NAALADL2: variants seen among roughly 807,000 people sequenced by gnomAD.
The protein encoded by NAALADL2 is N-acetylated alpha-linked acidic dipeptidase like 2, also known as inactive N-acetylated-alpha-linked acidic dipeptidase-like protein 2.
A neutral mutation model predicts 87.2 loss-of-function variants in NAALADL2; 76 were observed. That is an observed-to-expected ratio of 0.87 (90% CI 0.72 to 1.05). NAALADL2 has a LOEUF of 1.05. Among genes scored for constraint, NAALADL2 ranks in the 50% least tolerant of loss-of-function variants. The probability of loss-of-function intolerance (pLI) is 0.00; values close to 1 mark genes in which losing one functional copy is unlikely to be tolerated. For missense variants in NAALADL2, 1,089 were observed against 945.8 expected, an observed-to-expected ratio of 1.15 and a Z score of -1.99; for synonymous variants, 354 against 331.0, an observed-to-expected ratio of 1.07 and a Z score of -0.75.
At chr3:175,638,525 T>C (rs1328111802) in intron 11 of NAALADL2, among the ~76,000 whole-genome samples, 2 of 152,286 alleles carry the variant, frequency 1.3e-5, no homozygotes, top group Non-Finnish European at 2.9e-5. Context: ...GAAAATATGG[T>C]CACAGTGCCT....
chr3:175,572,579 C>T (rs1476427667), intron 9 of NAALADL2, among the ~76,000 whole-genome samples: 1 of 151,964 alleles, frequency 6.6e-6, no homozygotes, highest in Non-Finnish European at 1.5e-5. Context: ...TTTTGATTTG[C>T]CTGAACAATA....
chr3:175,108,030 G>C (rs930568244), intron 2 of NAALADL2, among the ~76,000 whole-genome samples: 3 of 151,808 alleles, frequency 2.0e-5, no homozygotes, highest in Admixed American at 6.6e-5. Flanking sequence ...TTATATGCCT[G>C]ATTTGGGAAA....
chr3:175,216,421 G>C (rs1161379039), intron 2 of NAALADL2, among the ~76,000 whole-genome samples: 1 of 151,990 alleles, frequency 6.6e-6, no homozygotes, highest in African/African-American at 2.4e-5. Context: ...GCAGATAGTT[G>C]CAACAAATTT....
intron 1 of NAALADL2, among the ~76,000 whole-genome samples, chr3:174,968,265 T>A (rs1448331017): frequency 1.3e-5 from 2 of 152,160 alleles, no homozygotes; most frequent in Non-Finnish European, 2.9e-5. Context: ...AACAACTAAC[T>A]TTTATTAAGC....
At chr3:174,499,079 A>C (rs1718725355) in intron 1 of NAALADL2, among the ~76,000 whole-genome samples, 1 of 152,034 alleles carries the variant, frequency 6.6e-6, no homozygotes, top group South Asian at 2.1e-4. Flanking sequence ...CTAATTTATA[A>C]ATTAAACTTT....
At chr3:174,497,868 A>C (rs1422910875) in intron 1 of NAALADL2, among the ~76,000 whole-genome samples, 1 of 152,182 alleles carries the variant, frequency 6.6e-6, no homozygotes, top group Non-Finnish European at 1.5e-5. Context: ...TAATGTAAAA[A>C]ACTGAAAGAT....
chr3:175,038,844 C>G (rs991533626), intron 1 of NAALADL2, among the ~76,000 whole-genome samples: 3 of 151,624 alleles, frequency 2.0e-5, no homozygotes, highest in African/African-American at 7.3e-5. Context: ...CAAACGTAAA[C>G]AGTTTTGAAA....
intron 3 of NAALADL2, among the ~76,000 whole-genome samples, chr3:174,803,136 A>G (rs563841567): frequency 8.5e-5 from 13 of 152,102 alleles, no homozygotes; most frequent in African/African-American, 2.4e-4. Flanking sequence ...CCTCTCCAGC[A>G]TCTGTTGTTT....
intron 9 of NAALADL2, among the ~76,000 whole-genome samples, chr3:175,529,960 C>T (rs147782879): frequency 7.2e-5 from 11 of 152,214 alleles, no homozygotes; most frequent in African/African-American, 2.4e-4. Flanking sequence ...TTGATCACCC[C>T]GAGGAATGGT....
chr3:175,318,463 G>A (rs903986538), intron 4 of NAALADL2, among the ~76,000 whole-genome samples: 4 of 151,996 alleles, frequency 2.6e-5, no homozygotes, highest in Admixed American at 1.3e-4. Context: ...GAAACTTGCT[G>A]TCCAGCGAAG....
intron 10 of NAALADL2, among the ~76,000 whole-genome samples, chr3:175,602,450 G>T (rs963837161): frequency 4.0e-5 from 4 of 100,576 alleles, no homozygotes; most frequent in South Asian, 4.5e-4. Flanking sequence ...TTATTTGTAT[G>T]TGTGTATCTA....
chr3:174,483,618 G>T (rs974654002), intron 1 of NAALADL2, among the ~76,000 whole-genome samples: 3 of 152,136 alleles, frequency 2.0e-5, no homozygotes, highest in East Asian at 3.9e-4. Context: ...AAGGAATAAA[G>T]TATAATCAGA....
chr3:174,593,555 C>T (rs1717594416), intron 2 of NAALADL2, among the ~76,000 whole-genome samples: 1 of 147,824 alleles, frequency 6.8e-6, no homozygotes, highest in Admixed American at 7.0e-5. Context: ...CATTGCTTTC[C>T]TAAAAACAAG....
intron 4 of NAALADL2, among the ~76,000 whole-genome samples, chr3:175,299,616 A>T (rs966379673): frequency 3.9e-5 from 6 of 152,040 alleles, no homozygotes; most frequent in Admixed American, 3.9e-4. Context: ...GGTGTATAGG[A>T]ATGCTTGTGA....
intron 1 of NAALADL2, among the ~76,000 whole-genome samples, chr3:175,013,233 A>G: frequency 8.1e-6 from 1 of 122,758 alleles, no homozygotes; most frequent in Non-Finnish European, 1.6e-5. Context: ...ATAAATATAA[A>G]CACATATATA....
intron 13 of NAALADL2, among the ~76,000 whole-genome samples, chr3:175,766,381 A>C (rs560907360): frequency 2.0e-5 from 3 of 152,172 alleles, no homozygotes; most frequent in African/African-American, 7.2e-5. Flanking sequence ...TGAAGACACC[A>C]AAAGACTCCA....
intron 4 of NAALADL2, among the ~76,000 whole-genome samples, chr3:175,307,449 G>A (rs1018821777): frequency 1.3e-5 from 2 of 152,066 alleles, no homozygotes; most frequent in African/African-American, 2.4e-5. Context: ...AAAAATAAAG[G>A]TGTCTGGAAT....
chr3:174,700,229 GTT>G (rs71624290), intron 2 of NAALADL2, among the ~76,000 whole-genome samples: 103 of 140,426 alleles, frequency 7.3e-4, no homozygotes, highest in East Asian at 5.5e-3. Context: ...TTTTGCCACA[GTT>G]TTTTTTTTTT....
At chr3:174,502,464 G>A (rs1379384464) in intron 1 of NAALADL2, among the ~76,000 whole-genome samples, 1 of 151,976 alleles carries the variant, frequency 6.6e-6, no homozygotes, top group African/African-American at 2.4e-5. Context: ...TGTTGCAATG[G>A]CCTAATAAAT....
Sources: allele counts gnomAD v4.1 joint callset (sites outside exome capture counted in the v4.1 genomes callset), GRCh38; gene constraint gnomAD v4.1.1; transcripts MANE v1.5; gene names NCBI Gene and HGNC (gene_info 2026-07-23, HGNC 2026-07-21).